The following BCAS3 variants were observed in gnomAD, a reference collection of about 807,000 sequenced individuals.
BCAS3 encodes BCAS3 microtubule associated cell migration factor.
In BCAS3, 53 loss-of-function variants were observed where a neutral mutation model predicts 116.1. That is an observed-to-expected ratio of 0.46 (90% CI 0.37 to 0.57). The LOEUF (loss-of-function observed/expected upper bound fraction) is 0.57, where lower values mean the gene tolerates loss of function less well. BCAS3 is among the 20% of genes least tolerant of loss of function. The pLI is 0.00. For missense variants in BCAS3, 917 were observed against 1,165.4 expected, an observed-to-expected ratio of 0.79 and a Z score of 3.10; for synonymous variants, 391 against 408.2, an observed-to-expected ratio of 0.96 and a Z score of 0.51.
rs2065996345 is a variant in BCAS3, at chr17:61,023,249, A to G, written c.1637+7348A>G. Among the ~76,000 whole-genome samples, 1 of 152,208 alleles carries G rather than the reference A, an allele frequency of 6.6e-6. No individual in the cohort carries two copies. Among genetic ancestry groups the G allele is most frequent in the South Asian group, 2.1e-4 (1 of 4,836 alleles). On this transcript the variant is annotated intron_variant, in intron 16 of 23. Coordinates refer to ENST00000407086, the MANE Select transcript of BCAS3 (RefSeq NM_017679.5). The surrounding 1 kb of genome is among the most constrained non-coding windows in gnomAD (Gnocchi z 4.8). ...CCCTAGAATTTATTTTTAGAGAAAT[A>G]TGGCTCTGCTTCAATATTTGACACA... is the stretch of plus-strand genomic sequence containing the variant.
Position 61,392,129 on chromosome 17 carries a change from C to G in BCAS3, c.*4C>G. On this transcript the variant is annotated 3_prime_UTR_variant, in exon 24 of 24. Transcript: ENST00000407086. The surrounding 1 kb of genome is among the most constrained non-coding windows in gnomAD (Gnocchi z 6.4). ...CTTCCCGACTGGCTTCCCGTAGGTACCAGCAACCTGCTTCTGACTGGCCAG... is the reference window on the plus strand; with the variant it reads ...CTTCCCGACTGGCTTCCCGTAGGTAGCAGCAACCTGCTTCTGACTGGCCAG... The G allele has an allele frequency of 1.2e-6, 2 of 1,612,768 alleles. No individual in the cohort carries two copies. The highest frequency in any genetic ancestry group is 1.7e-6 in the Non-Finnish European group (2 of 1,179,540).
rs1203007529 is a variant in BCAS3 at position 61,339,885 on chromosome 17, G to C, written c.2426-28442G>C. 6.6e-6 allele frequency among the ~76,000 whole-genome samples: 1 copy of C among 152,166 alleles called. No individual in the cohort carries two copies. Among genetic ancestry groups the C allele is most frequent in the African/African-American group, 2.4e-5 (1 of 41,434 alleles). On this transcript the variant is annotated intron_variant, in intron 22 of 23. Coordinates refer to ENST00000407086, the MANE Select transcript of BCAS3 (RefSeq NM_017679.5). The surrounding 1 kb of genome is among the most constrained non-coding windows in gnomAD (Gnocchi z 4.4). ...TGTGCTGTCCCGAAAGCCAAGTAGA[G>C]AGAGGGTCAACTATGTCGAAAGCAC...
chr17:61,046,846 A>T (rs1468927110), intron 19 of BCAS3, among the ~76,000 whole-genome samples: 1 of 151,984 alleles, frequency 6.6e-6, no homozygotes, highest in South Asian at 2.1e-4. Flanking sequence ...TCCGGAAATT[A>T]TAATAATAGT....
intron 9 of BCAS3, among the ~76,000 whole-genome samples, chr17:60,880,456 T>C (rs1015844766): frequency 6.6e-6 from 1 of 152,102 alleles, no homozygotes; most frequent in South Asian, 2.1e-4. Context: ...ACCCAGCTAA[T>C]TTTTATATTT....
intron 16 of BCAS3, among the ~76,000 whole-genome samples, chr17:61,030,999 T>C (rs75889827): frequency 0.034 from 5,143 of 152,030 alleles, 303 homozygotes; most frequent in African/African-American, 0.12. Flanking sequence ...AGTTAAACTT[T>C]TGGGCATCAA....
At chr17:61,210,773 A>G (rs1486155247) in intron 22 of BCAS3, among the ~76,000 whole-genome samples, 1 of 152,210 alleles carries the variant, frequency 6.6e-6, no homozygotes, top group Non-Finnish European at 1.5e-5. Flanking sequence ...CTTTTCAACT[A>G]CGAGCACACT....
chr17:60,803,410 A>C (rs975286546), intron 6 of BCAS3, among the ~76,000 whole-genome samples: 9 of 152,222 alleles, frequency 5.9e-5, no homozygotes, highest in Non-Finnish European at 8.8e-5. Context: ...TCTGCGATGT[A>C]AAGTAATTTG....
chr17:60,945,832 A>T (rs994332888), intron 13 of BCAS3, among the ~76,000 whole-genome samples: 2 of 151,452 alleles, frequency 1.3e-5, no homozygotes, highest in South Asian at 2.1e-4. Context: ...AATAAAAAAT[A>T]AAAAAATGCC....
chr17:60,934,162 CTT>C (rs1567904631), intron 13 of BCAS3, among the ~76,000 whole-genome samples: 1 of 151,932 alleles, frequency 6.6e-6, no homozygotes, highest in Admixed American at 6.6e-5. Context: ...AAAAATATAA[CTT>C]TAAGTATTTT....
At chr17:60,966,945 A>AC (rs1474694194) in intron 14 of BCAS3, among the ~76,000 whole-genome samples, 1 of 151,856 alleles carries the variant, frequency 6.6e-6, no homozygotes, top group Non-Finnish European at 1.5e-5. Context: ...CATGCCTGGC[A>AC]CCCCCAGCAT....
chr17:60,868,575 G>A lies in BCAS3; in HGVS notation c.477-1G>A, dbSNP rs2054835138. On this transcript the variant is annotated splice_acceptor_variant, in intron 7 of 23. Coordinates refer to ENST00000407086, the MANE Select transcript of BCAS3 (RefSeq NM_017679.5). LOFTEE classifies it high-confidence loss of function. The stretch of plus-strand genomic sequence containing the variant: ...ATTTTTCTTTCTTTTTTCTTTTTTA[G>A]CACAAGCCCACCGTACTGTTGTGTG... The A allele has an allele frequency of 3.9e-6, 6 of 1,523,350 alleles. No homozygotes were observed. The highest frequency in any genetic ancestry group is 1.3e-5 in the South Asian group (1 of 76,884). The allele number at this position is 1,523,350 out of a possible 1,614,324, so 94.4% of individuals were successfully genotyped here. A position where few individuals can be genotyped will look rare whatever the true frequency, so the allele number is the denominator to read the frequency against.
intron 10 of BCAS3, among the ~76,000 whole-genome samples, chr17:60,895,168 A>G (rs1272934824): frequency 1.3e-5 from 2 of 151,598 alleles, no homozygotes; most frequent in East Asian, 3.8e-4. Context: ...GGTAGGATTC[A>G]GCTGTGAACC....
rs1568850562 is a variant in BCAS3 at position 61,322,832 on chromosome 17, G to GAGAGAGAGAGAGAGAGAGAC, written c.2426-45476_2426-45475insCAGAGAGAGAGAGAGAGAGA. On this transcript the variant is annotated intron_variant, in intron 22 of 23. Coordinates refer to ENST00000407086, the MANE Select transcript of BCAS3 (RefSeq NM_017679.5). Reference sequence around the variant, plus strand: ...AGAGAGAGAGAGAGAGAGAGAGACAGAGAGAGAGAGAGAGAGAGAGAGACA... The same window carrying GAGAGAGAGAGAGAGAGAGAC: ...AGAGAGAGAGAGAGAGAGAGAGACAGAGAGAGAGAGAGAGAGAGACAGAGAGAGAGAGAGAGAGAGAGACA... Among the ~76,000 whole-genome samples the GAGAGAGAGAGAGAGAGAGAC allele has an allele frequency of 2.9e-4, 35 of 119,828 alleles. 1 individual carries two copies. Among genetic ancestry groups the GAGAGAGAGAGAGAGAGAGAC allele is most frequent in the African/African-American group, 1.4e-3 (33 of 23,064 alleles). The allele number at this position is 119,828 out of a possible 152,430, so 78.6% of individuals were successfully genotyped here.
intron 22 of BCAS3, among the ~76,000 whole-genome samples, chr17:61,330,320 G>C (rs1017246610): frequency 6.7e-6 from 1 of 148,786 alleles, no homozygotes; most frequent in Non-Finnish European, 1.5e-5. Context: ...GTACAGTGGC[G>C]CAATCACGGC....
intron 22 of BCAS3, among the ~76,000 whole-genome samples, chr17:61,287,105 G>A (rs907777001): frequency 2.0e-5 from 3 of 151,900 alleles, no homozygotes; most frequent in African/African-American, 4.8e-5. Flanking sequence ...AAAATTAGCC[G>A]GGCGTGGTGG....
chr17:61,053,794 G>C (rs2069107051), intron 19 of BCAS3, among the ~76,000 whole-genome samples: 1 of 152,134 alleles, frequency 6.6e-6, no homozygotes, highest in African/African-American at 2.4e-5. Flanking sequence ...TTGTCCATAG[G>C]GTGTGTCATA....
At position 60,905,647 on chromosome 17, in the gene BCAS3, C is replaced by T. The variant is rs149395357; in HGVS notation, c.822+2944C>T. Among the ~76,000 whole-genome samples the T allele has an allele frequency of 8.3e-4, 126 of 152,156 alleles. 1 individual carries two copies. In the East Asian group the frequency reaches 0.021, roughly 26 times the overall value. On this transcript the variant is annotated intron_variant, in intron 11 of 23. Transcript: ENST00000407086. ...GCGGTGTCATTTGTCTGGGGTAATA[C>T]CCGAAGTTTGTTGTCTCATGCCAAG...
intron 15 of BCAS3, among the ~76,000 whole-genome samples, chr17:60,998,868 T>A (rs1295333829): frequency 3.9e-5 from 6 of 152,276 alleles, no homozygotes; most frequent in African/African-American, 1.4e-4. Context: ...TTTTGAGGGC[T>A]TAGTCATAAA....
intron 11 of BCAS3, among the ~76,000 whole-genome samples, chr17:60,909,419 A>G (rs1228668713): frequency 6.6e-6 from 1 of 151,860 alleles, no homozygotes; most frequent in Non-Finnish European, 1.5e-5. Context: ...TTTTTTTTTC[A>G]TAATTGTTTT....
Sources: allele counts gnomAD v4.1 joint callset (sites outside exome capture counted in the v4.1 genomes callset), GRCh38; gene constraint gnomAD v4.1.1; non-coding constraint Gnocchi (gnomAD v3.1); transcripts MANE v1.5; gene names NCBI Gene and HGNC (gene_info 2026-07-23, HGNC 2026-07-21).